GALNT14: variants seen among roughly 807,000 people sequenced by gnomAD.
The protein encoded by GALNT14 is UDP-GalNAc:polypeptide N-acetylgalactosaminyltransferase 14.
Under a neutral mutation model 77.5 loss-of-function variants are expected in GALNT14, and 60 were observed. That is an observed-to-expected ratio of 0.77 (90% CI 0.63 to 0.96). The LOEUF (loss-of-function observed/expected upper bound fraction) is 0.96, where lower values mean the gene tolerates loss of function less well. GALNT14 is among the 40% of genes least tolerant of loss of function. The pLI is 0.00. For synonymous variants in GALNT14, 280 were observed against 281.7 expected, an observed-to-expected ratio of 0.99 and a Z score of 0.06; for missense variants, 710 against 731.0, an observed-to-expected ratio of 0.97 and a Z score of 0.33.
chr2:31,050,430 G>C (rs1673776666), intron 1 of GALNT14, among the ~76,000 whole-genome samples: 1 of 152,142 alleles, frequency 6.6e-6, no homozygotes, highest in Non-Finnish European at 1.5e-5. Flanking sequence ...CACGTAGATG[G>C]GGGAGGAGTG....
chr2:30,942,433 A>C, intron 8 of GALNT14, 129 bp from the exon 9 acceptor site: 1 of 642,538 alleles, frequency 1.6e-6, no homozygotes, highest in Non-Finnish European at 2.7e-6. Flanking sequence ...AGGGAAGAAA[A>C]CTCTCATTTT....
intron 11 of GALNT14, among the ~76,000 whole-genome samples, chr2:30,925,499 C>T (rs1168079068): frequency 1.3e-5 from 2 of 152,138 alleles, no homozygotes. Context: ...ATGCTGGTAT[C>T]TGGAAGGAAA....
intron 1 of GALNT14, among the ~76,000 whole-genome samples, chr2:31,027,915 T>TGTGTGTGTGTGTGTGTGTGTGC (rs768786430): frequency 1.3e-3 from 198 of 151,948 alleles, no homozygotes; most frequent in Non-Finnish European, 1.5e-3. Flanking sequence ...TGTGTGTGTG[T>TGTGTGTGTGTGTGTGTGTGTGC]GTGCACGCAT....
Position 30,992,898 on chromosome 2 carries a change from T to C in GALNT14, c.239A>G (p.Asn80Ser), listed in dbSNP as rs1373322436. Residue 80 changes from asparagine (N) to serine (S), a missense_variant, in exon 2 of 15, where the codon AAC (asparagine) becomes AGC (serine). Asn to Ser is a conservative substitution (Grantham distance 46). Transcript: ENST00000349752. ...GGAGATCCGCTCACTCTCCCGCTGGTTGAAAGCATACAGCTTATAGGGGTC... is the reference window on the plus strand; with the variant it reads ...GGAGATCCGCTCACTCTCCCGCTGGCTGAAAGCATACAGCTTATAGGGGTC... ...GDDPYKLYAF[N>S]QRESERISSN... is the part of the protein sequence containing the mutation. 2.5e-6 allele frequency: 4 copies of C among 1,614,124 alleles called. No homozygotes were observed. The highest frequency in any genetic ancestry group is 4.5e-5 in the East Asian group (2 of 44,870).
intron 1 of GALNT14, among the ~76,000 whole-genome samples, chr2:31,128,107 A>G (rs1485988755): frequency 6.6e-6 from 1 of 152,162 alleles, no homozygotes; most frequent in East Asian, 1.9e-4. Flanking sequence ...GGAAGACATC[A>G]GCAGCCTCCT....
chr2:30,898,960 T>A, the GALNT14 span, among the ~76,000 whole-genome samples: 1 of 152,168 alleles, frequency 6.6e-6, no homozygotes, highest in Admixed American at 6.5e-5. Flanking sequence ...GGGGCGCTAT[T>A]TTCTTGCTGT....
Position 31,105,608 on chromosome 2 carries a change from C to T in GALNT14, c.129+32350G>A, listed in dbSNP as rs145542053. ...AGGTGTGGTGGCCCATGCCTGTAATCCCACCTATTTGGGAGGCTGAGGCAA... is the reference window on the plus strand; with the variant it reads ...AGGTGTGGTGGCCCATGCCTGTAATTCCACCTATTTGGGAGGCTGAGGCAA... On this transcript the variant is annotated intron_variant, in intron 1 of 14. Transcript: ENST00000349752. Among the ~76,000 whole-genome samples the T allele has an allele frequency of 7.1e-4, 108 of 152,190 alleles. 1 individual carries two copies. Among genetic ancestry groups the T allele is most frequent in the African/African-American group, 2.5e-3 (105 of 41,538 alleles).
the GALNT14 span, among the ~76,000 whole-genome samples, chr2:30,898,055 A>C: frequency 6.6e-6 from 1 of 152,198 alleles, no homozygotes; most frequent in Non-Finnish European, 1.5e-5. Context: ...GAGGGTGTTA[A>C]GGAGTGCAGC....
At chr2:31,034,011 C>T (rs932427696) in intron 1 of GALNT14, among the ~76,000 whole-genome samples, 4 of 152,196 alleles carry the variant, frequency 2.6e-5, no homozygotes, top group Non-Finnish European at 5.9e-5. Context: ...CTGCTGTAGG[C>T]CAGGCAAGCA....
chr2:31,052,828 G>A (rs1251183846), intron 1 of GALNT14, among the ~76,000 whole-genome samples: 2 of 152,196 alleles, frequency 1.3e-5, no homozygotes, highest in African/African-American at 4.8e-5. Context: ...AACATCTCAT[G>A]CATTATTTGA....
rs572748867 is a variant in GALNT14, at chr2:31,098,582, T to C, written c.129+39376A>G. 1.6e-4 allele frequency among the ~76,000 whole-genome samples: 25 copies of C among 152,266 alleles called. No individual in the cohort carries two copies. The South Asian group carries it at 5.0e-3, about 30-fold the overall frequency. The stretch of plus-strand genomic sequence containing the variant: ...CATTGTTAGTCTGTTGTATTATCTT[T>C]CCAGAATTTCTTATACAAATAGATG... On this transcript the variant is annotated intron_variant, in intron 1 of 14. Coordinates refer to ENST00000349752, the MANE Select transcript of GALNT14 (RefSeq NM_024572.4).
rs1482405530 is a variant in GALNT14 at position 30,930,035 on chromosome 2, T to C, written c.1059-548A>G. Among the ~76,000 whole-genome samples, 5 of 152,250 alleles carry C rather than the reference T, an allele frequency of 3.3e-5. No homozygotes were observed. In the East Asian group the frequency reaches 9.6e-4, roughly 29 times the overall value. On this transcript the variant is annotated intron_variant, in intron 10 of 14. Transcript: ENST00000349752. ...GAAAGTTTCAGATTTTGGAGCATTT[T>C]GGATTTTAGATTTTTGGATTAGGGA...
intron 1 of GALNT14, among the ~76,000 whole-genome samples, chr2:31,064,341 T>C (rs917855927): frequency 6.6e-6 from 1 of 152,204 alleles, no homozygotes; most frequent in African/African-American, 2.4e-5. Context: ...AGATGGTAAA[T>C]TTTTAAAATA....
chr2:31,117,843 C>T (rs1264961252), intron 1 of GALNT14, among the ~76,000 whole-genome samples: 1 of 152,178 alleles, frequency 6.6e-6, no homozygotes, highest in Non-Finnish European at 1.5e-5. Context: ...AAGCTTTCTT[C>T]CATTCAGTTA....
At chr2:30,893,901 T>C in the GALNT14 span, among the ~76,000 whole-genome samples, 1 of 152,212 alleles carries the variant, frequency 6.6e-6, no homozygotes, top group South Asian at 2.1e-4. Context: ...AACCTTAGCT[T>C]TTCTTGTCTT....
intron 2 of GALNT14, among the ~76,000 whole-genome samples, chr2:30,989,829 A>G (rs1215884744): frequency 6.6e-6 from 1 of 151,244 alleles, no homozygotes; most frequent in East Asian, 1.9e-4. Flanking sequence ...AAGCTAGGCA[A>G]CTTTAAGTTT....
chr2:30,887,098 C>T, the GALNT14 span, among the ~76,000 whole-genome samples: 5 of 152,344 alleles, frequency 3.3e-5, no homozygotes, highest in East Asian at 9.6e-4. Flanking sequence ...TTTATGTATA[C>T]ACCACCATTT....
At chr2:31,118,243 T>C (rs1678213169) in intron 1 of GALNT14, among the ~76,000 whole-genome samples, 1 of 152,190 alleles carries the variant, frequency 6.6e-6, no homozygotes, top group Non-Finnish European at 1.5e-5. Context: ...ATTTAAACTA[T>C]TCTCATCTGC....
chr2:30,982,875 CAAG>C (rs1340806444), intron 2 of GALNT14, among the ~76,000 whole-genome samples: 5 of 152,066 alleles, frequency 3.3e-5, no homozygotes, highest in South Asian at 2.1e-4. Flanking sequence ...TTTGGTTGTG[CAAG>C]AAGATTTCAA....
Sources: gnomAD v4.1 joint callset for allele counts (sites outside exome capture counted in the v4.1 genomes callset) on GRCh38, gnomAD v4.1.1 for gene constraint, MANE v1.5 for transcripts, NCBI Gene and HGNC (gene_info 2026-07-23, HGNC 2026-07-21) for gene names.